Variants in USP48 observed in about 807,000 individuals in gnomAD.
USP48 encodes the protein ubiquitin specific peptidase 48, also known as ubiquitin carboxyl-terminal hydrolase 48.
In USP48, 43 loss-of-function variants were observed where a neutral mutation model predicts 150.7. The ratio of observed to expected loss-of-function variants is 0.29; its 90% confidence interval spans 0.22 to 0.37. USP48 has a LOEUF of 0.37. Ranked by LOEUF, USP48 falls within the 10% of genes least tolerant of loss-of-function variation. The pLI is 1.00. For synonymous variants in USP48, 396 were observed against 425.9 expected, an observed-to-expected ratio of 0.93 and a Z score of 0.86; for missense variants, 813 against 1,249.6, an observed-to-expected ratio of 0.65 and a Z score of 5.27.
chr1:21,757,199 T>C (rs1039384331), intron 2 of USP48, among the ~76,000 whole-genome samples: 5 of 152,112 alleles, frequency 3.3e-5, no homozygotes, highest in African/African-American at 1.2e-4. Context: ...AATTATTATT[T>C]TATTAAAATA....
At chr1:21,730,436 G>A (rs2097753883) in intron 9 of USP48, among the ~76,000 whole-genome samples, 1 of 151,310 alleles carries the variant, frequency 6.6e-6, no homozygotes, top group Non-Finnish European at 1.5e-5. Flanking sequence ...TCTGTCTCAT[G>A]AAAAAGAAAA....
chr1:21,747,270 A>G (rs2097796740), intron 7 of USP48, 121 bp from the exon 8 acceptor site: 1 of 594,866 alleles, frequency 1.7e-6, no homozygotes, highest in Non-Finnish European at 2.8e-6. Flanking sequence ...ATCTTCCTCC[A>G]AAACATGTAC....
intron 24 of USP48, among the ~76,000 whole-genome samples, chr1:21,687,822 T>G (rs942977829): frequency 1.3e-5 from 2 of 152,212 alleles, no homozygotes; most frequent in African/African-American, 4.8e-5. Context: ...CAGGCTGTTT[T>G]AGGACTTTAG....
At chr1:21,692,943 G>A (rs2097607321) in intron 23 of USP48, among the ~76,000 whole-genome samples, 1 of 152,110 alleles carries the variant, frequency 6.6e-6, no homozygotes, top group Admixed American at 6.5e-5. Flanking sequence ...TAAAGAACAC[G>A]ATAGAGGTCT....
At chr1:21,769,613 T>TG (rs1350717093) in intron 1 of USP48, among the ~76,000 whole-genome samples, 2 of 152,120 alleles carry the variant, frequency 1.3e-5, no homozygotes, top group African/African-American at 4.8e-5. Flanking sequence ...GTTTTCACCA[T>TG]GTTCCCCAGG....
chr1:21,692,203 A>G (rs991035614), intron 23 of USP48, among the ~76,000 whole-genome samples: 1 of 152,196 alleles, frequency 6.6e-6, no homozygotes, highest in Non-Finnish European at 1.5e-5. Flanking sequence ...GGGATGGACT[A>G]GCCAGAGATC....
intron 1 of USP48, among the ~76,000 whole-genome samples, chr1:21,760,716 C>CA (rs1028769503): frequency 1.4e-5 from 2 of 147,026 alleles, no homozygotes; most frequent in Non-Finnish European, 3.0e-5. Context: ...AACTCTATCT[C>CA]AAAAAAAATA....
chr1:21,752,568 A>G lies in USP48; in HGVS notation c.624T>C (p.Ile208=). The change falls in exon 5 of 27, where the codon ATT becomes ATC. Residue 208 remains isoleucine, a synonymous_variant. Coordinates refer to ENST00000308271, the MANE Select transcript of USP48 (RefSeq NM_032236.8). ...SKQKNPDVRN[I]VQQQFCGEYA... ...ATTCTCCACAGAACTGCTGTTGAACAATATTGCGCACATCTGGATTCTTTT... is the reference window on the plus strand; with the variant it reads ...ATTCTCCACAGAACTGCTGTTGAACGATATTGCGCACATCTGGATTCTTTT... 4 of 1,613,392 alleles carry G rather than the reference A, an allele frequency of 2.5e-6. No individual in the cohort carries two copies. Among genetic ancestry groups the G allele is most frequent in the Non-Finnish European group, 3.4e-6 (4 of 1,179,892 alleles).
intron 24 of USP48, among the ~76,000 whole-genome samples, chr1:21,688,162 G>A (rs1197939076): frequency 6.6e-6 from 1 of 152,176 alleles, no homozygotes; most frequent in South Asian, 2.1e-4. Flanking sequence ...AATGGGAAGC[G>A]ACTAAGTTAG....
Position 21,679,281 on chromosome 1 carries a change from G to A in USP48, c.*136C>T, listed in dbSNP as rs2097558917. On this transcript the variant is annotated 3_prime_UTR_variant, in exon 27 of 27. Transcript: ENST00000308271. ...GACATAAGGCATTTGGGACAGTCAC[G>A]TTTGAATGGATTTCTGCCTTTTGGA... 8.1e-6 allele frequency: 8 copies of A among 993,608 alleles called. No homozygotes were observed. In the Middle Eastern group the frequency reaches 6.8e-4, roughly 84 times the overall value. The allele number at this position is 993,608 out of a possible 1,614,324, so 61.5% of individuals were successfully genotyped here.
chr1:21,680,287 G>A (rs896537763), intron 26 of USP48, among the ~76,000 whole-genome samples: 17 of 152,128 alleles, frequency 1.1e-4, no homozygotes, highest in African/African-American at 3.6e-4. Flanking sequence ...GAATATTATC[G>A]GTGTGCACAA....
intron 1 of USP48, among the ~76,000 whole-genome samples, chr1:21,771,673 A>G (rs1444402007): frequency 6.6e-6 from 1 of 151,998 alleles, no homozygotes; most frequent in Non-Finnish European, 1.5e-5. Context: ...TAATCCCAAC[A>G]CTTTGGGAGG....
At chr1:21,701,708 CT>C in intron 21 of USP48, 106 bp from the exon 22 acceptor site, 1 of 780,848 alleles carries the variant, frequency 1.3e-6, no homozygotes, top group Non-Finnish European at 2.2e-6. Flanking sequence ...CGAGGAACAC[CT>C]TTATCATGGT....
chr1:21,737,174 G>A (rs1329850108), intron 8 of USP48, among the ~76,000 whole-genome samples: 2 of 152,132 alleles, frequency 1.3e-5, no homozygotes, highest in Non-Finnish European at 1.5e-5. Context: ...AACACCCAGC[G>A]CGTTGAGATG....
At chr1:21,759,181 CAAAAAAA>C (rs11341963) in intron 1 of USP48, among the ~76,000 whole-genome samples, 8 of 69,252 alleles carry the variant, frequency 1.2e-4, no homozygotes, top group African/African-American at 3.6e-4. Context: ...GACACGGTCT[CAAAAAAA>C]AAAAAAAAAA....
intron 15 of USP48, among the ~76,000 whole-genome samples, chr1:21,712,073 A>T (rs991362938): frequency 1.1e-4 from 16 of 152,354 alleles, no homozygotes; most frequent in African/African-American, 3.4e-4. Context: ...AGATTAAATG[A>T]GTTGGATGGG....
At position 21,679,457 on chromosome 1, in the gene USP48, C is replaced by A; in HGVS notation, c.3086-18G>T. 2 of 1,613,848 alleles carry A rather than the reference C, an allele frequency of 1.2e-6. No individual in the cohort carries two copies. The highest frequency in any genetic ancestry group is 2.7e-5 in the African/African-American group (2 of 75,044). On this transcript the variant is annotated intron_variant, in intron 26 of 26. Transcript: ENST00000308271. ...ACCAGTACCTGGGAAAAGAAACACA[C>A]GTGGAGGGATAGTTGTGAACTACAG...
At chr1:21,680,780 T>C in intron 26 of USP48, 28 bp downstream of exon 26, 1 of 1,578,322 alleles carries the variant, frequency 6.3e-7, no homozygotes. Context: ...CTGACATTCA[T>C]GAACAAAACA....
At chr1:21,749,316 C>G (rs1158803295) in intron 6 of USP48, among the ~76,000 whole-genome samples, 1 of 152,190 alleles carries the variant, frequency 6.6e-6, no homozygotes, top group Non-Finnish European at 1.5e-5. Context: ...TCCTACCTCC[C>G]TGATCCCTAA....
Sources: gnomAD v4.1 joint callset for allele counts (sites outside exome capture counted in the v4.1 genomes callset) on GRCh38, gnomAD v4.1.1 for gene constraint, MANE v1.5 for transcripts, NCBI Gene and HGNC (gene_info 2026-07-23, HGNC 2026-07-21) for gene names.